Variants in ANTXR2 observed in about 807,000 individuals in gnomAD.
The protein encoded by ANTXR2 is ANTXR cell adhesion molecule 2.
Under a neutral mutation model 73.7 loss-of-function variants are expected in ANTXR2, and 44 were observed. The observed-to-expected ratio is 0.60, with a 90% CI of 0.47 to 0.77. The LOEUF (loss-of-function observed/expected upper bound fraction) is 0.77. Among genes scored for constraint, ANTXR2 ranks in the 30% least tolerant of loss-of-function variants. The probability of loss-of-function intolerance (pLI) is 0.00; values close to 1 mark genes in which losing one functional copy is unlikely to be tolerated. For synonymous variants in ANTXR2, 217 were observed against 205.9 expected, an observed-to-expected ratio of 1.05 and a Z score of -0.46; for missense variants, 604 against 592.5, an observed-to-expected ratio of 1.02 and a Z score of -0.20.
intron 7 of ANTXR2, among the ~76,000 whole-genome samples, chr4:80,036,549 G>A (rs761984863): frequency 6.6e-6 from 1 of 151,904 alleles, no homozygotes; most frequent in Non-Finnish European, 1.5e-5. Context: ...GCCTATAATC[G>A]CAGCCGTTTG....
Position 79,977,644 on chromosome 4 carries a change from T to C in ANTXR2, c.1405A>G (p.Met469Val). ...LRRQYDRVSL[M>V]RPQEGDEGRC... ...ACCTCATCTCCTTCCTGAGGTCGCA[T>C]CAAAGAAACCCGGTCATACTGCCGC... is the stretch of plus-strand genomic sequence containing the variant. Residue 469 changes from methionine (M) to valine (V), a missense_variant, in exon 16 of 17, where the codon ATG becomes GTG. Met to Val is a conservative substitution (Grantham distance 21). Transcript: ENST00000403729. 6.3e-7 allele frequency: 1 copy of C among 1,580,566 alleles called. No homozygotes were observed. The highest frequency in any genetic ancestry group is 8.6e-7 in the Non-Finnish European group (1 of 1,162,206).
chr4:80,019,767 T>C (rs1732066000), intron 10 of ANTXR2, among the ~76,000 whole-genome samples: 1 of 152,154 alleles, frequency 6.6e-6, no homozygotes, highest in African/African-American at 2.4e-5. Flanking sequence ...TCCAAAGATA[T>C]TAAAATATCC....
intron 10 of ANTXR2, among the ~76,000 whole-genome samples, chr4:80,030,523 T>C (rs538551879): frequency 1.3e-5 from 2 of 152,036 alleles, no homozygotes; most frequent in Non-Finnish European, 2.9e-5. Flanking sequence ...GTCAATAACA[T>C]AGATTATTAC....
chr4:79,954,401 G>C (rs538807017), intron 16 of ANTXR2, among the ~76,000 whole-genome samples: 7 of 152,226 alleles, frequency 4.6e-5, no homozygotes, highest in African/African-American at 1.7e-4. Flanking sequence ...TTGATAATTA[G>C]AGTAACATGA....
chr4:79,966,979 G>T (rs1457005914), intron 16 of ANTXR2, among the ~76,000 whole-genome samples: 9 of 27,036 alleles, frequency 3.3e-4, no homozygotes, highest in African/African-American at 5.1e-4. Flanking sequence ...CGCAGAAGAC[G>T]GTGATTTCTG....
chr4:80,069,435 C>A lies in ANTXR2; in HGVS notation c.296+1G>T. On this transcript the variant is annotated splice_donor_variant, in intron 3 of 16. Coordinates refer to ENST00000403729, the MANE Select transcript of ANTXR2 (RefSeq NM_058172.6). LOFTEE classifies it high-confidence loss of function. ...CTGCAGTGAAATGATAATGCACTAA[C>A]CTGTCTCCAGTTAATGGCAAAATAA... 1.9e-6 allele frequency: 3 copies of A among 1,585,270 alleles called. No homozygotes were observed. The highest frequency in any genetic ancestry group is 2.6e-6 in the Non-Finnish European group (3 of 1,157,782).
chr4:80,054,129 C>T, intron 7 of ANTXR2, 143 bp downstream of exon 7: 3 of 624,028 alleles, frequency 4.8e-6, no homozygotes, highest in South Asian at 2.1e-5. Flanking sequence ...TAGAATTACA[C>T]TGTTTGCAAT....
intron 16 of ANTXR2, among the ~76,000 whole-genome samples, chr4:79,957,404 T>C (rs148888824): frequency 2.8e-3 from 428 of 152,154 alleles, no homozygotes; most frequent in Non-Finnish European, 4.7e-3. Flanking sequence ...TTAAAGATAA[T>C]CATTAAAGGA....
intron 16 of ANTXR2, among the ~76,000 whole-genome samples, chr4:79,962,110 T>C (rs1729168010): frequency 6.6e-6 from 1 of 152,180 alleles, no homozygotes; most frequent in Non-Finnish European, 1.5e-5. Context: ...CCAACTTATA[T>C]ACCTAATTAA....
At chr4:80,021,595 G>A (rs146857745) in intron 10 of ANTXR2, among the ~76,000 whole-genome samples, 1 of 151,930 alleles carries the variant, frequency 6.6e-6, no homozygotes, top group Non-Finnish European at 1.5e-5. Flanking sequence ...AATTAATGAA[G>A]GAAACATTCA....
chr4:79,982,538 G>A (rs1306151837), intron 14 of ANTXR2, among the ~76,000 whole-genome samples: 2 of 152,092 alleles, frequency 1.3e-5, no homozygotes, highest in Non-Finnish European at 2.9e-5. Flanking sequence ...ACCTTTCCAA[G>A]TCTAGAATGA....
chr4:79,923,875 C>T (rs1410647616), intron 16 of ANTXR2, among the ~76,000 whole-genome samples: 1 of 152,112 alleles, frequency 6.6e-6, no homozygotes, highest in Non-Finnish European at 1.5e-5. Flanking sequence ...GATACAACTC[C>T]AGACACCAAG....
At chr4:80,028,443 A>G (rs958819838) in intron 10 of ANTXR2, among the ~76,000 whole-genome samples, 11 of 152,172 alleles carry the variant, frequency 7.2e-5, no homozygotes, top group African/African-American at 2.7e-4. Context: ...AGTGAAATTC[A>G]TGAAATAACA....
At chr4:79,946,141 A>G (rs1728506320) in intron 16 of ANTXR2, among the ~76,000 whole-genome samples, 1 of 152,164 alleles carries the variant, frequency 6.6e-6, no homozygotes, top group Non-Finnish European at 1.5e-5. Flanking sequence ...ATCCCCATTT[A>G]AAATATTTAA....
intron 16 of ANTXR2, among the ~76,000 whole-genome samples, chr4:79,936,465 C>T (rs1206144619): frequency 1.3e-5 from 2 of 149,746 alleles, no homozygotes; most frequent in Non-Finnish European, 2.9e-5. Flanking sequence ...ATCTCACAAC[C>T]AAAACCTAAA....
chr4:79,935,223 A>C, intron 16 of ANTXR2, among the ~76,000 whole-genome samples: 1 of 151,350 alleles, frequency 6.6e-6, no homozygotes, highest in East Asian at 1.9e-4. Flanking sequence ...TCGCCCCCCA[A>C]CTTTTTTTTT....
At chr4:79,978,718 T>TA (rs1729754334) in intron 14 of ANTXR2, among the ~76,000 whole-genome samples, 2 of 152,214 alleles carry the variant, frequency 1.3e-5, no homozygotes, top group South Asian at 4.1e-4. Flanking sequence ...CAAAGCCAGC[T>TA]AGTAAGTGAC....
chr4:80,022,568 T>C (rs1376602968), intron 10 of ANTXR2, among the ~76,000 whole-genome samples: 1 of 152,238 alleles, frequency 6.6e-6, no homozygotes, highest in Non-Finnish European at 1.5e-5. Context: ...TATTTAGTGT[T>C]TTCTGTCATA....
At chr4:79,915,862 C>CTATATATATATATA (rs1553925226) in intron 16 of ANTXR2, among the ~76,000 whole-genome samples, 9 of 123,884 alleles carry the variant, frequency 7.3e-5, no homozygotes, top group African/African-American at 1.8e-4. Context: ...CTCTCTCTCT[C>CTATATATATATATA]TATATATATA....
Sources: gnomAD v4.1 joint callset for allele counts (sites outside exome capture counted in the v4.1 genomes callset) on GRCh38, gnomAD v4.1.1 for gene constraint, MANE v1.5 for transcripts, NCBI Gene and HGNC (gene_info 2026-07-23, HGNC 2026-07-21) for gene names.